The following FGF14 variants were observed in gnomAD, a reference collection of about 807,000 sequenced individuals.
FGF14 encodes the protein fibroblast growth factor 14.
A neutral mutation model predicts 25.5 loss-of-function variants in FGF14; 5 were observed. That is an observed-to-expected ratio of 0.20 (90% CI 0.10 to 0.41). The LOEUF is 0.41. FGF14 is among the 10% of genes least tolerant of loss of function. FGF14 has a pLI of 1.00. For synonymous variants in FGF14, 138 were observed against 118.3 expected, an observed-to-expected ratio of 1.17 and a Z score of -1.08; for missense variants, 222 against 320.1, an observed-to-expected ratio of 0.69 and a Z score of 2.34.
At chr13:101,966,472 G>A (rs899958834) in intron 1 of FGF14, among the ~76,000 whole-genome samples, 1 of 151,468 alleles carries the variant, frequency 6.6e-6, no homozygotes, top group Non-Finnish European at 1.5e-5. Context: ...AAATCTTGTG[G>A]TTTTTTTTGT....
At chr13:102,027,431 T>C (rs2040988018) in intron 1 of FGF14, among the ~76,000 whole-genome samples, 1 of 151,940 alleles carries the variant, frequency 6.6e-6, no homozygotes, top group South Asian at 2.1e-4. Context: ...TAAGCAAATT[T>C]CTTCTAATAT....
At chr13:102,045,663 C>T (rs892616683) in intron 1 of FGF14, among the ~76,000 whole-genome samples, 20 of 152,180 alleles carry the variant, frequency 1.3e-4, no homozygotes, top group African/African-American at 4.8e-4. Context: ...GTATCTGGTT[C>T]ATAATCATAT....
chr13:102,262,398 T>A (rs2052762494), intron 1 of FGF14, among the ~76,000 whole-genome samples: 1 of 152,130 alleles, frequency 6.6e-6, no homozygotes, highest in Non-Finnish European at 1.5e-5. Flanking sequence ...AATCACTTTT[T>A]ATTTCATGCT....
At chr13:101,904,148 C>T (rs1407785) in intron 1 of FGF14, among the ~76,000 whole-genome samples, 45,442 of 152,036 alleles carry the variant, frequency 0.3, 8,116 homozygotes, top group South Asian at 0.43. Context: ...GAGGTCTCTG[C>T]GTGTTAACAG....
At chr13:101,982,162 G>A (rs1340111272) in intron 1 of FGF14, among the ~76,000 whole-genome samples, 1 of 152,150 alleles carries the variant, frequency 6.6e-6, no homozygotes, top group Non-Finnish European at 1.5e-5. Flanking sequence ...GGTATAAAAA[G>A]ACTAGACTAA....
At chr13:102,233,139 T>C (rs747324908) in intron 1 of FGF14, among the ~76,000 whole-genome samples, 2 of 152,116 alleles carry the variant, frequency 1.3e-5, no homozygotes, top group Admixed American at 6.6e-5. Flanking sequence ...TTTGTTGTTG[T>C]TGTTGTTGTT....
intron 1 of FGF14, among the ~76,000 whole-genome samples, chr13:102,105,040 A>G (rs1327463346): frequency 6.6e-6 from 1 of 152,244 alleles, no homozygotes; most frequent in Non-Finnish European, 1.5e-5. Flanking sequence ...TATGCAAAGG[A>G]AAATATCAAT....
chr13:102,133,457 T>C (rs2046285519), intron 1 of FGF14, among the ~76,000 whole-genome samples: 1 of 152,214 alleles, frequency 6.6e-6, no homozygotes, highest in East Asian at 1.9e-4. Flanking sequence ...AGTATGTATA[T>C]ATATTATAGA....
chr13:101,897,858 T>G (rs75996600), intron 1 of FGF14, among the ~76,000 whole-genome samples: 5,551 of 152,262 alleles, frequency 0.036, 345 homozygotes, highest in African/African-American at 0.12. Context: ...ATGCTCAAAG[T>G]AAATGTTCAT....
chr13:101,715,538 G>T lies in FGF14; in HGVS notation c.*7293C>A. 1.3e-6 allele frequency: 2 copies of T among 1,504,464 alleles called. No homozygotes were observed. Among genetic ancestry groups the T allele is most frequent in the South Asian group, 1.1e-5 (1 of 88,652 alleles). 93.2% of individuals were successfully genotyped at this position (1,504,464 alleles called of 1,614,324 possible). A position where few individuals can be genotyped will look rare whatever the true frequency, so the allele number is the denominator to read the frequency against. On this transcript the variant is annotated 3_prime_UTR_variant, in exon 5 of 5. Coordinates refer to ENST00000376143, the MANE Select transcript of FGF14 (RefSeq NM_004115.4). ...TTTGGCACATTTTGATCATAATCAT[G>T]ATACCTATATGTATTTTATTGCAGG...
intron 1 of FGF14, among the ~76,000 whole-genome samples, chr13:102,310,651 T>TTTTC (rs1555399311): frequency 1.1e-4 from 5 of 45,802 alleles, no homozygotes; most frequent in Non-Finnish European, 1.5e-4. Flanking sequence ...CTCTTCCCGT[T>TTTTC]TCTCTCTCTC....
At chr13:101,812,585 ATCACTATTTTTTTATATTTTTAAAAC>A (rs1480536906) in intron 3 of FGF14, among the ~76,000 whole-genome samples, 3 of 137,954 alleles carry the variant, frequency 2.2e-5, no homozygotes, top group African/African-American at 8.0e-5. Flanking sequence ...AAGCACATAT[ATCACTATTTTTTTATATTTTTAAAAC>A]TATATATATA....
At chr13:101,912,898 A>C (rs993811414) in intron 1 of FGF14, among the ~76,000 whole-genome samples, 5 of 152,134 alleles carry the variant, frequency 3.3e-5, no homozygotes, top group Admixed American at 3.3e-4. Flanking sequence ...AACCCAGTGT[A>C]TGGCAAACAC....
intron 1 of FGF14, among the ~76,000 whole-genome samples, chr13:102,192,599 A>C (rs784205): frequency 0.84 from 127,454 of 152,148 alleles, 53,957 homozygotes; most frequent in African/African-American, 0.95. Flanking sequence ...TCCTTCAACA[A>C]TTTGATTAGG....
intron 1 of FGF14, among the ~76,000 whole-genome samples, chr13:102,376,725 G>T (rs2058049564): frequency 6.6e-6 from 1 of 152,218 alleles, no homozygotes; most frequent in Admixed American, 6.5e-5. Context: ...TTTAATTGCT[G>T]CTGGGATATT....
chr13:102,043,163 G>A (rs545635971), intron 1 of FGF14, among the ~76,000 whole-genome samples: 6 of 152,050 alleles, frequency 3.9e-5, no homozygotes, highest in Admixed American at 6.6e-5. Flanking sequence ...CCATTCATAC[G>A]CATATAATCC....
At chr13:102,244,162 CT>C (rs1566856404) in intron 1 of FGF14, among the ~76,000 whole-genome samples, 1 of 152,058 alleles carries the variant, frequency 6.6e-6, no homozygotes, top group Non-Finnish European at 1.5e-5. Context: ...AAAATTTAAA[CT>C]GGTACTTATT....
intron 1 of FGF14, among the ~76,000 whole-genome samples, chr13:102,252,265 G>C (rs1271496090): frequency 4.6e-5 from 7 of 152,204 alleles, no homozygotes; most frequent in Admixed American, 3.9e-4. Context: ...AGCCCTGCTA[G>C]AGTGGGAAAC....
At chr13:101,852,442 AG>A (rs1199247308) in intron 3 of FGF14, among the ~76,000 whole-genome samples, 1 of 152,116 alleles carries the variant, frequency 6.6e-6, no homozygotes, top group Non-Finnish European at 1.5e-5. Flanking sequence ...TTCTTGAAGG[AG>A]GAAAAAAACA....
Sources: allele counts gnomAD v4.1 joint callset (sites outside exome capture counted in the v4.1 genomes callset), GRCh38; gene constraint gnomAD v4.1.1; transcripts MANE v1.5; gene names NCBI Gene and HGNC (gene_info 2026-07-23, HGNC 2026-07-21).